CCDC83: variants seen among roughly 807,000 people sequenced by gnomAD.
CCDC83 encodes coiled-coil domain-containing protein 83.
In CCDC83, 54 loss-of-function variants were observed where a neutral mutation model predicts 50.1. That is an observed-to-expected ratio of 1.08 (90% CI 0.87 to 1.35). The LOEUF is 1.35. Among genes scored for constraint, CCDC83 ranks in the 40% most tolerant of loss-of-function variants. CCDC83 has a pLI of 0.00. For missense variants in CCDC83, 518 were observed against 473.9 expected (o/e 1.09, Z -0.86); for synonymous variants, 161 against 153.3 (o/e 1.05, Z -0.37).
chr11:85,865,027 T>A (rs141328176), intron 1 of CCDC83, 69 bp from the exon 2 acceptor site: 7 of 769,680 alleles, frequency 9.1e-6, no homozygotes, highest in Admixed American at 8.0e-5. Flanking sequence ...AGGTACCTTA[T>A]CTAGAGTAAA....
chr11:85,913,018 T>G (rs1470857792), intron 8 of CCDC83, among the ~76,000 whole-genome samples: 2 of 152,338 alleles, frequency 1.3e-5, no homozygotes, highest in East Asian at 3.9e-4. Context: ...TTGTTTACTG[T>G]GCAGTATATA....
intron 10 of CCDC83, among the ~76,000 whole-genome samples, chr11:85,917,166 G>GAGAGAGAGAGAGAGAGAGAGAGAA (rs756949334): frequency 4.8e-5 from 3 of 62,460 alleles, no homozygotes; most frequent in African/African-American, 1.7e-4. Flanking sequence ...GAGAGAGAGA[G>GAGAGAGAGAGAGAGAGAGAGAGAA]AGAAAGAAAG....
At position 85,916,085 on chromosome 11, in the gene CCDC83, C is replaced by T. The variant is rs773700831; in HGVS notation, c.932C>T (p.Ser311Leu). The change falls in exon 10 of 11, where the codon TCA (serine) becomes TTA (leucine). Residue 311 changes from serine to leucine, a missense_variant. Coordinates refer to ENST00000342404, the MANE Select transcript of CCDC83 (RefSeq NM_001286159.2). ...GAAAGTAGAGACTTGATGTCCTCAT[C>T]AGATGAGAGCACTATCTTACATCTT... ...EVESRDLMSS[S>L]DESTILHLSH... 15 of 1,613,108 alleles carry T rather than the reference C, an allele frequency of 9.3e-6. No individual in the cohort carries two copies. The Admixed American group carries it at 2.2e-4, about 23-fold the overall frequency.
intron 1 of CCDC83, among the ~76,000 whole-genome samples, chr11:85,856,251 G>A (rs2093140397): frequency 6.6e-6 from 1 of 151,708 alleles, no homozygotes; most frequent in Non-Finnish European, 1.5e-5. Context: ...TAATGACTGG[G>A]TATTTATCAG....
intron 3 of CCDC83, among the ~76,000 whole-genome samples, chr11:85,879,967 C>T (rs1238121373): frequency 6.6e-6 from 1 of 152,162 alleles, no homozygotes; most frequent in African/African-American, 2.4e-5. Context: ...ATCTCTATGC[C>T]TACCCCTCTG....
intron 3 of CCDC83, among the ~76,000 whole-genome samples, chr11:85,879,473 TA>T (rs1252647145): frequency 6.6e-6 from 1 of 152,140 alleles, no homozygotes; most frequent in Non-Finnish European, 1.5e-5. Flanking sequence ...AAAGAAGATA[TA>T]CAAATGGCTA....
chr11:85,911,506 C>T, intron 8 of CCDC83, 104 bp downstream of exon 8: 1 of 945,296 alleles, frequency 1.1e-6, no homozygotes. Context: ...TTCAGTGCTC[C>T]AGCAGTAGTC....
At chr11:85,872,313 C>T (rs757587288) in intron 2 of CCDC83, among the ~76,000 whole-genome samples, 1 of 151,972 alleles carries the variant, frequency 6.6e-6, no homozygotes, top group Non-Finnish European at 1.5e-5. Context: ...GGTGAAACTC[C>T]GTCTCTACAA....
chr11:85,907,390 G>A (rs1404746712), intron 7 of CCDC83, among the ~76,000 whole-genome samples: 1 of 152,154 alleles, frequency 6.6e-6, no homozygotes, highest in African/African-American at 2.4e-5. Flanking sequence ...TTAACAAATG[G>A]AAAGCTGGAG....
At chr11:85,903,489 G>C (rs888663716) in intron 7 of CCDC83, among the ~76,000 whole-genome samples, 2 of 151,292 alleles carry the variant, frequency 1.3e-5, no homozygotes, top group Non-Finnish European at 2.9e-5. Context: ...TTTTAGTACA[G>C]ATGGGGTTTC....
chr11:85,919,511 G>T lies in CCDC83; in HGVS notation c.*1G>T, dbSNP rs139546994. On this transcript the variant is annotated 3_prime_UTR_variant, in exon 11 of 11. Transcript: ENST00000342404. ...TAAGATGATGAAGTCTTTTCTCTAA[G>T]ACGGAAAGCTGCAAAGGAAACACAA... 1.9e-6 allele frequency: 3 copies of T among 1,602,044 alleles called. No individual in the cohort carries two copies. The highest frequency in any genetic ancestry group is 2.6e-6 in the Non-Finnish European group (3 of 1,174,488).
At chr11:85,869,275 G>A (rs540125149) in intron 2 of CCDC83, among the ~76,000 whole-genome samples, 1 of 152,246 alleles carries the variant, frequency 6.6e-6, no homozygotes, top group South Asian at 2.1e-4. Flanking sequence ...AACTTCTATG[G>A]TTGTTTGTGA....
chr11:85,912,151 T>C (rs1007809592), intron 8 of CCDC83, among the ~76,000 whole-genome samples: 2 of 152,086 alleles, frequency 1.3e-5, no homozygotes, highest in Non-Finnish European at 2.9e-5. Flanking sequence ...TGTGCAAGTA[T>C]GGGAGAGAAA....
At chr11:85,874,317 A>G (rs542811555) in intron 3 of CCDC83, among the ~76,000 whole-genome samples, 5 of 152,356 alleles carry the variant, frequency 3.3e-5, no homozygotes, top group Admixed American at 1.3e-4. Flanking sequence ...ACTAAAGAGA[A>G]GTAAGTCCCA....
intron 7 of CCDC83, among the ~76,000 whole-genome samples, chr11:85,903,233 C>T (rs2135108915): frequency 6.6e-6 from 1 of 152,012 alleles, no homozygotes; most frequent in East Asian, 2.0e-4. Flanking sequence ...CTAAAACAAA[C>T]AAACATACAA....
intron 1 of CCDC83, among the ~76,000 whole-genome samples, chr11:85,863,147 T>A (rs1402790782): frequency 6.6e-6 from 1 of 152,260 alleles, no homozygotes; most frequent in African/African-American, 2.4e-5. Context: ...AAGAGATTAA[T>A]GTTGGCATTG....
chr11:85,876,802 G>A (rs1359681634), intron 3 of CCDC83, among the ~76,000 whole-genome samples: 2 of 152,182 alleles, frequency 1.3e-5, no homozygotes, highest in Non-Finnish European at 2.9e-5. Context: ...ACCACACCCA[G>A]CCTCTTTTCT....
chr11:85,890,892 A>C (rs1463697293), intron 5 of CCDC83, among the ~76,000 whole-genome samples: 1 of 152,242 alleles, frequency 6.6e-6, no homozygotes, highest in Non-Finnish European at 1.5e-5. Flanking sequence ...CATAGGATTT[A>C]CCATATATTT....
chr11:85,916,155 T>C lies in CCDC83; in HGVS notation c.1002T>C (p.Asp334=). Reference sequence around the variant, plus strand: ...AAGATCTCCAGTATGTGAAGATAGATAAAGAGGAAAACTCAGGCACAGAGT... The same window carrying C: ...AAGATCTCCAGTATGTGAAGATAGACAAAGAGGAAAACTCAGGCACAGAGT... ...SIEDLQYVKI[D]KEENSGTEFG... Residue 334 remains aspartate, a synonymous_variant, in exon 10 of 11, where the codon GAT becomes GAC. Coordinates refer to ENST00000342404, the MANE Select transcript of CCDC83 (RefSeq NM_001286159.2). 1.2e-6 allele frequency: 2 copies of C among 1,613,370 alleles called. No individual in the cohort carries two copies. Among genetic ancestry groups the C allele is most frequent in the Non-Finnish European group, 8.5e-7 (1 of 1,179,494 alleles).
Sources: gnomAD v4.1 joint callset for allele counts (sites outside exome capture counted in the v4.1 genomes callset) on GRCh38, gnomAD v4.1.1 for gene constraint, MANE v1.5 for transcripts, NCBI Gene and HGNC (gene_info 2026-07-23, HGNC 2026-07-21) for gene names.